PTPRK: variants seen among roughly 807,000 people sequenced by gnomAD.
PTPRK encodes the protein protein tyrosine phosphatase receptor type K, also known as receptor-type tyrosine-protein phosphatase kappa.
In PTPRK, 75 loss-of-function variants were observed where a neutral mutation model predicts 178.0. The ratio of observed to expected loss-of-function variants is 0.42; its 90% CI spans 0.35 to 0.51. The LOEUF (loss-of-function observed/expected upper bound fraction) is 0.51. PTPRK is among the 20% of genes least tolerant of loss of function. The pLI is 0.02. For synonymous variants in PTPRK, 637 were observed against 620.6 expected, an observed-to-expected ratio of 1.03 and a Z score of -0.39; for missense variants, 1,441 against 1,797.8, an observed-to-expected ratio of 0.80 and a Z score of 3.59.
At chr6:128,489,985 C>T (rs1485647340) in intron 1 of PTPRK, among the ~76,000 whole-genome samples, 1 of 152,140 alleles carries the variant, frequency 6.6e-6, no homozygotes, top group African/African-American at 2.4e-5. Flanking sequence ...CGAAAAAACG[C>T]TACTACATTT....
chr6:128,390,573 C>G (rs1338698776), intron 2 of PTPRK, among the ~76,000 whole-genome samples: 1 of 152,044 alleles, frequency 6.6e-6, no homozygotes, highest in Non-Finnish European at 1.5e-5. Flanking sequence ...TAAATAAATG[C>G]CCATGCCCAA....
chr6:128,251,807 T>C (rs1296986091), intron 3 of PTPRK, among the ~76,000 whole-genome samples: 1 of 152,218 alleles, frequency 6.6e-6, no homozygotes, highest in African/African-American at 2.4e-5. Context: ...TATTCTTTAA[T>C]AAAACATCAA....
intron 7 of PTPRK, among the ~76,000 whole-genome samples, chr6:128,171,667 G>A (rs1282419871): frequency 6.6e-6 from 1 of 151,978 alleles, no homozygotes; most frequent in Non-Finnish European, 1.5e-5. Context: ...GCTGCATGAA[G>A]TAGACATTGA....
At chr6:128,022,158 C>T (rs1773610609) in intron 13 of PTPRK, among the ~76,000 whole-genome samples, 1 of 152,118 alleles carries the variant, frequency 6.6e-6, no homozygotes, top group African/African-American at 2.4e-5. Context: ...CTTTTGCTTG[C>T]TATTTGAAAA....
intron 2 of PTPRK, among the ~76,000 whole-genome samples, chr6:128,326,111 C>G (rs1302526360): frequency 6.6e-6 from 1 of 152,018 alleles, no homozygotes; most frequent in Non-Finnish European, 1.5e-5. Context: ...TAAGTGGGAA[C>G]TGAACAATGA....
chr6:128,313,389 T>C (rs1827529105), intron 3 of PTPRK, among the ~76,000 whole-genome samples: 1 of 152,060 alleles, frequency 6.6e-6, no homozygotes, highest in Admixed American at 6.6e-5. Flanking sequence ...GAAAAATACC[T>C]GAAATACATA....
rs201067305 is a variant in PTPRK, at chr6:128,047,914, AG to A, written c.2194+16843del. Among the ~76,000 whole-genome samples, 1,324 of 152,170 alleles carry A rather than the reference AG, an allele frequency of 8.7e-3. 43 individuals are homozygous for A. The highest frequency in any genetic ancestry group is 0.052 in the East Asian group (268 of 5,166). The stretch of plus-strand genomic sequence containing the variant: ...GATATCTGAGAACCTCATGGTTGTT[AG>A]GGCTCTGAGTTGGCTAATTTGTTTA... On this transcript the variant is annotated intron_variant, in intron 13 of 29. Transcript: ENST00000368226.
At chr6:128,241,209 C>T (rs1029644436) in intron 4 of PTPRK, 11 of 532,650 alleles carry the variant, frequency 2.1e-5, no homozygotes, top group Non-Finnish European at 3.5e-5. Context: ...CTACATCTTT[C>T]TCTAGTGACT....
intron 2 of PTPRK, among the ~76,000 whole-genome samples, chr6:128,331,897 T>C (rs1251992676): frequency 6.6e-6 from 1 of 152,174 alleles, no homozygotes; most frequent in Non-Finnish European, 1.5e-5. Context: ...AAAATTTCTC[T>C]TGATCTCTGA....
intron 7 of PTPRK, among the ~76,000 whole-genome samples, chr6:128,116,461 A>G (rs553961018): frequency 1.3e-5 from 2 of 152,230 alleles, no homozygotes; most frequent in Non-Finnish European, 2.9e-5. Context: ...TGTCTTCACA[A>G]AATTTTTTCA....
At chr6:128,435,118 C>CAGGA (rs1562516096) in intron 1 of PTPRK, among the ~76,000 whole-genome samples, 3 of 86,904 alleles carry the variant, frequency 3.5e-5, no homozygotes, top group Admixed American at 1.0e-4. Flanking sequence ...GGCAGGAAGG[C>CAGGA]AGGCAGGAAG....
At chr6:128,169,016 C>A (rs1235744427) in intron 7 of PTPRK, among the ~76,000 whole-genome samples, 2 of 152,104 alleles carry the variant, frequency 1.3e-5, no homozygotes, top group East Asian at 2.0e-4. Flanking sequence ...AATGTGGAAT[C>A]TTTTTTTCTT....
chr6:128,355,739 A>G (rs915487393), intron 2 of PTPRK, among the ~76,000 whole-genome samples: 3 of 152,234 alleles, frequency 2.0e-5, no homozygotes, highest in African/African-American at 7.2e-5. Flanking sequence ...TGGCACATGT[A>G]TACATATGTA....
At chr6:128,427,216 T>G (rs1365160781) in intron 1 of PTPRK, among the ~76,000 whole-genome samples, 1 of 152,200 alleles carries the variant, frequency 6.6e-6, no homozygotes, top group Admixed American at 6.5e-5. Flanking sequence ...CTCACAATTC[T>G]TTAAAGAAAG....
intron 1 of PTPRK, among the ~76,000 whole-genome samples, chr6:128,445,520 A>T (rs985749915): frequency 6.6e-6 from 1 of 150,546 alleles, no homozygotes; most frequent in African/African-American, 2.4e-5. Context: ...TTACATATAA[A>T]GTATATGTAT....
chr6:128,439,060 A>C (rs1845967031), intron 1 of PTPRK, among the ~76,000 whole-genome samples: 1 of 152,208 alleles, frequency 6.6e-6, no homozygotes, highest in Non-Finnish European at 1.5e-5. Flanking sequence ...AGTACTTTGG[A>C]GTGATCAAAG....
chr6:128,443,218 G>T (rs1448781897), intron 1 of PTPRK, among the ~76,000 whole-genome samples: 1 of 152,132 alleles, frequency 6.6e-6, no homozygotes, highest in African/African-American at 2.4e-5. Flanking sequence ...AATATGCTCA[G>T]TCTAAATCAG....
intron 10 of PTPRK, 83 bp from the exon 11 acceptor site, chr6:128,079,001 G>T (rs1184937785): frequency 1.9e-5 from 16 of 842,846 alleles, no homozygotes; most frequent in Non-Finnish European, 2.8e-5. Context: ...ACAATCTTAA[G>T]TTAGGAAAAA....
At chr6:128,424,614 T>C (rs749677978) in intron 1 of PTPRK, among the ~76,000 whole-genome samples, 9 of 152,146 alleles carry the variant, frequency 5.9e-5, no homozygotes, top group Admixed American at 1.3e-4. Flanking sequence ...AATCAGCATC[T>C]CCTTCGGCCC....
Sources: allele counts gnomAD v4.1 joint callset (sites outside exome capture counted in the v4.1 genomes callset), GRCh38; gene constraint gnomAD v4.1.1; transcripts MANE v1.5; gene names NCBI Gene and HGNC (gene_info 2026-07-23, HGNC 2026-07-21).